The following GNAQ variants were observed in gnomAD, a reference collection of about 807,000 sequenced individuals.
GNAQ encodes G protein subunit alpha q, also known as guanine nucleotide-binding protein G(q) subunit alpha.
A neutral mutation model predicts 43.9 loss-of-function variants in GNAQ; 8 were observed. That is an observed-to-expected ratio of 0.18 (90% CI 0.11 to 0.33). GNAQ has a LOEUF of 0.33. Ranked by LOEUF, GNAQ falls within the 10% of genes least tolerant of loss-of-function variation. The probability of loss-of-function intolerance (pLI) is 1.00; values close to 1 mark genes in which losing one functional copy is unlikely to be tolerated. For synonymous variants in GNAQ, 155 were observed against 170.7 expected, an observed-to-expected ratio of 0.91 and a Z score of 0.71; for missense variants, 158 against 450.8, an observed-to-expected ratio of 0.35 and a Z score of 5.88.
intron 3 of GNAQ, among the ~76,000 whole-genome samples, chr9:77,801,026 T>C (rs1277086782): frequency 6.6e-6 from 1 of 152,236 alleles, no homozygotes; most frequent in Non-Finnish European, 1.5e-5. Flanking sequence ...ATTCTTGTAA[T>C]GGAAGGTGCT....
chr9:77,948,726 G>T (rs2118370548), intron 1 of GNAQ, among the ~76,000 whole-genome samples: 1 of 152,246 alleles, frequency 6.6e-6, no homozygotes, highest in Non-Finnish European at 1.5e-5. Flanking sequence ...TGATTCTGCA[G>T]CCTGGGAAGC....
intron 1 of GNAQ, among the ~76,000 whole-genome samples, chr9:77,938,444 T>TGGCAC (rs1276969053): frequency 1.3e-5 from 2 of 152,200 alleles, no homozygotes; most frequent in Admixed American, 1.3e-4. Context: ...GACACTGGCA[T>TGGCAC]GGCACAAACA....
At chr9:77,966,753 A>G (rs1337056988) in intron 1 of GNAQ, among the ~76,000 whole-genome samples, 1 of 152,198 alleles carries the variant, frequency 6.6e-6, no homozygotes, top group African/African-American at 2.4e-5. Flanking sequence ...GTGACTACCA[A>G]ATCGCTTCTT....
intron 1 of GNAQ, chr9:78,030,693 C>A: frequency 5.2e-6 from 2 of 385,504 alleles, no homozygotes; most frequent in Non-Finnish European, 5.4e-6. Flanking sequence ...CGCCACCACC[C>A]CATGGGGTGC....
intron 2 of GNAQ, among the ~76,000 whole-genome samples, chr9:77,887,219 T>G (rs897250083): frequency 1.3e-5 from 2 of 152,214 alleles, no homozygotes; most frequent in African/African-American, 4.8e-5. Context: ...GGGAAACAGC[T>G]CTGAGCTTGC....
chr9:77,886,386 TA>T (rs11371901), intron 2 of GNAQ, among the ~76,000 whole-genome samples: 8,927 of 140,232 alleles, frequency 0.064, 281 homozygotes, highest in African/African-American at 0.073. Context: ...GCTATGCTCT[TA>T]AAAAAAAAAA....
intron 2 of GNAQ, among the ~76,000 whole-genome samples, chr9:77,839,908 CA>C (rs1172165829): frequency 6.6e-6 from 1 of 152,188 alleles, no homozygotes; most frequent in Non-Finnish European, 1.5e-5. Flanking sequence ...GTTATGATGA[CA>C]GAGAGCTTTG....
chr9:77,760,606 T>G (rs1193064274), intron 5 of GNAQ, among the ~76,000 whole-genome samples: 2 of 152,116 alleles, frequency 1.3e-5, no homozygotes, highest in East Asian at 3.9e-4. Context: ...GTGCCCAGAG[T>G]GCAGCCTCTG....
chr9:78,030,913 G>GTGTC (rs1824047825), intron 1 of GNAQ, among the ~76,000 whole-genome samples, 187 bp downstream of exon 1: 2 of 141,080 alleles, frequency 1.4e-5, no homozygotes, highest in Non-Finnish European at 1.6e-5. Context: ...GTGTGTGTGT[G>GTGTC]TGTGTGTCTG....
intron 1 of GNAQ, among the ~76,000 whole-genome samples, chr9:77,959,566 TG>T (rs1490146212): frequency 1.3e-5 from 2 of 152,244 alleles, no homozygotes; most frequent in African/African-American, 4.8e-5. Context: ...CATGAAAGTA[TG>T]TTTTTTGGGA....
rs10124610 is a variant in GNAQ, at chr9:77,946,716, T to C, written c.137-24371A>G. Among the ~76,000 whole-genome samples the C allele has an allele frequency of 6.2e-3, 941 of 152,376 alleles. 12 individuals are homozygous for C. The highest frequency in any genetic ancestry group is 0.022 in the African/African-American group (904 of 41,582). ...TTACACAATAACAGTGTATTTCTGA[T>C]GCCTTAAAGCAGTTGCTATACGGAT... is the stretch of plus-strand genomic sequence containing the variant. On this transcript the variant is annotated intron_variant, in intron 1 of 6. Coordinates refer to ENST00000286548, the MANE Select transcript of GNAQ (RefSeq NM_002072.5).
chr9:77,957,778 G>C (rs1823060822), intron 1 of GNAQ, among the ~76,000 whole-genome samples: 1 of 152,192 alleles, frequency 6.6e-6, no homozygotes, highest in African/African-American at 2.4e-5. Context: ...TGGAGGGAGG[G>C]AACTGTGGAA....
intron 2 of GNAQ, among the ~76,000 whole-genome samples, chr9:77,896,429 C>A (rs1828503728): frequency 6.6e-6 from 1 of 152,144 alleles, no homozygotes; most frequent in Non-Finnish European, 1.5e-5. Flanking sequence ...AACTGTTTTA[C>A]TGAAGTATTT....
chr9:77,894,787 T>C (rs765181622), intron 2 of GNAQ, among the ~76,000 whole-genome samples: 4 of 147,682 alleles, frequency 2.7e-5, no homozygotes, highest in Admixed American at 1.4e-4. Context: ...ATTGTTTTCA[T>C]TGATCAAGAG....
chr9:77,869,689 C>T (rs1312902635), intron 2 of GNAQ, among the ~76,000 whole-genome samples: 1 of 152,100 alleles, frequency 6.6e-6, no homozygotes, highest in Non-Finnish European at 1.5e-5. Flanking sequence ...CTTAATTTGG[C>T]CACTTCCTAC....
Position 77,867,561 on chromosome 9 carries a change from T to C in GNAQ, c.322-51791A>G, listed in dbSNP as rs551035379. Among the ~76,000 whole-genome samples, 15 of 152,332 alleles carry C rather than the reference T, an allele frequency of 9.8e-5. 1 individual carries two copies. The South Asian group carries it at 3.1e-3, about 32-fold the overall frequency. ...ATCATAATTTATTAAGATTATACAC[T>C]CATCTGAAACAAACTCCAAAGTGTG... On this transcript the variant is annotated intron_variant, in intron 2 of 6. Coordinates refer to ENST00000286548, the MANE Select transcript of GNAQ (RefSeq NM_002072.5).
At chr9:77,882,308 G>A (rs1828225944) in intron 2 of GNAQ, among the ~76,000 whole-genome samples, 1 of 152,140 alleles carries the variant, frequency 6.6e-6, no homozygotes, top group South Asian at 2.1e-4. Flanking sequence ...TGGGAGATGA[G>A]AATTACTGTT....
chr9:77,783,400 G>A (rs572139649), intron 5 of GNAQ, among the ~76,000 whole-genome samples: 5 of 152,218 alleles, frequency 3.3e-5, no homozygotes, highest in South Asian at 2.1e-4. Flanking sequence ...ATTTTAAAAT[G>A]GTACTTTTTG....
chr9:77,803,395 T>G (rs77902620), intron 3 of GNAQ, among the ~76,000 whole-genome samples: 222 of 152,380 alleles, frequency 1.5e-3, no homozygotes, highest in Non-Finnish European at 2.9e-3. Flanking sequence ...GCCTTAGCAT[T>G]CTGTCTAACA....
Sources: allele counts gnomAD v4.1 joint callset (sites outside exome capture counted in the v4.1 genomes callset), GRCh38; gene constraint gnomAD v4.1.1; transcripts MANE v1.5; gene names NCBI Gene and HGNC (gene_info 2026-07-23, HGNC 2026-07-21).